The following ZBTB1 variants were observed in gnomAD, a reference collection of about 807,000 sequenced individuals.
ZBTB1 encodes zinc finger and BTB domain-containing protein 1.
ZBTB1 carries 13 observed loss-of-function variants against 51.6 expected under a neutral mutation model. The ratio of observed to expected loss-of-function variants is 0.25; its 90% CI spans 0.16 to 0.40. The LOEUF (loss-of-function observed/expected upper bound fraction) is 0.40. Ranked by LOEUF, ZBTB1 falls within the 10% of genes least tolerant of loss-of-function variation. The pLI is 1.00. For synonymous variants in ZBTB1, 240 were observed against 282.2 expected (o/e 0.85, Z 1.50); for missense variants, 567 against 856.5 (o/e 0.66, Z 4.22).
chr14:64,516,708 ACTG>A (rs2079790157), intron 1 of ZBTB1: 1 of 152,260 alleles, frequency 6.6e-6, no homozygotes. Flanking sequence ...TACTTGTGCT[ACTG>A]CTGATGATCA....
At chr14:64,504,687 T>G (rs1180319595), upstream of ZBTB1, 4 of 361,542 alleles carry the variant, frequency 1.1e-5, no homozygotes, top group Non-Finnish European at 2.0e-5. Context: ...AGCGAACTGG[T>G]GGGCAGACCC....
exon 3 of ZBTB1, chr14:64,532,815 T>C (rs900230066): frequency 3.3e-5 from 5 of 152,054 alleles, no homozygotes; most frequent in Admixed American, 6.6e-5. Context: ...AAGTTAAATA[T>C]TTGGTGAGAT....
upstream of ZBTB1, chr14:64,504,649 G>C (rs879307117): frequency 1.8e-5 from 6 of 336,772 alleles, no homozygotes; most frequent in Non-Finnish European, 3.2e-5. Context: ...GGGCGGGCGA[G>C]AGGGAGGGGA....
At chr14:64,514,588 T>A (rs932230527) in intron 1 of ZBTB1, among the ~76,000 whole-genome samples, 1 of 152,254 alleles carries the variant, frequency 6.6e-6, no homozygotes, top group African/African-American at 2.4e-5. Flanking sequence ...GAAATCTTAC[T>A]ATGTCAGTGA....
downstream of ZBTB1, among the ~76,000 whole-genome samples, chr14:64,525,282 C>A (rs1460885820): frequency 6.6e-6 from 1 of 151,948 alleles, no homozygotes; most frequent in Non-Finnish European, 1.5e-5. Context: ...ATTCAAATAA[C>A]GGGAAGTAGG....
intron 1 of ZBTB1, among the ~76,000 whole-genome samples, chr14:64,519,094 T>C (rs2079830263): frequency 6.7e-6 from 1 of 150,318 alleles, no homozygotes; most frequent in Admixed American, 6.6e-5. Context: ...AAAAGAGGTG[T>C]GTGATCTGAG....
chr14:64,511,333 GGGAGAGAGGAATATTCCAGAAGCCACTGT>G (rs1269430043), intron 1 of ZBTB1: 3 of 152,160 alleles, frequency 2.0e-5, no homozygotes, highest in African/African-American at 7.2e-5. Context: ...CTTCTGGAGA[GGGAGAGAGGAATATTCCAGAAGCCACTGT>G]GTTCCTTCTG....
rs2079611687 is a variant in ZBTB1 at position 64,504,770 on chromosome 14, G to A, written c.-195G>A. ...GGCTGTGCGGCAGCGGAAGTCCTTT[G>A]TTGCAGCACAGTCCCTGGCAGAGCC... On this transcript the variant is annotated 5_prime_UTR_variant, in exon 1 of 2. Coordinates refer to ENST00000683701, the MANE Select transcript of ZBTB1 (RefSeq NM_001123329.2). The A allele has an allele frequency of 5.3e-6, 2 of 378,726 alleles. No individual in the cohort carries two copies. The highest frequency in any genetic ancestry group is 9.4e-6 in the Non-Finnish European group (2 of 213,340). 23.5% of individuals were successfully genotyped at this position (378,726 alleles called of 1,614,324 possible).
intron 1 of ZBTB1, among the ~76,000 whole-genome samples, chr14:64,513,182 A>G (rs540346099): frequency 6.6e-6 from 1 of 152,290 alleles, no homozygotes; most frequent in South Asian, 2.1e-4. Context: ...GTATATACAT[A>G]CATGTATATA....
chr14:64,509,971 C>T (rs2079707634), intron 1 of ZBTB1, among the ~76,000 whole-genome samples: 1 of 144,032 alleles, frequency 6.9e-6, no homozygotes, highest in Admixed American at 6.9e-5. Context: ...AGCGAGACTC[C>T]GTCTCAATTA....
intron 1 of ZBTB1, chr14:64,518,637 G>C (rs1193162202): frequency 2.0e-5 from 3 of 152,006 alleles, no homozygotes; most frequent in Non-Finnish European, 2.9e-5. Context: ...TCTCTAAACA[G>C]CTTGTTACAT....
At chr14:64,504,313 G>A (rs560971057), upstream of ZBTB1, among the ~76,000 whole-genome samples, 4 of 152,238 alleles carry the variant, frequency 2.6e-5, no homozygotes, top group East Asian at 1.9e-4. Flanking sequence ...GGGCGAGGTT[G>A]CCGGAGCACT....
At chr14:64,525,115 C>G (rs1415285713), downstream of ZBTB1, among the ~76,000 whole-genome samples, 1 of 152,046 alleles carries the variant, frequency 6.6e-6, no homozygotes, top group African/African-American at 2.4e-5. Context: ...ATTTTGTATA[C>G]AATTTACATA....
At chr14:64,510,119 A>G (rs1001340559) in intron 1 of ZBTB1, among the ~76,000 whole-genome samples, 10 of 152,248 alleles carry the variant, frequency 6.6e-5, no homozygotes, top group African/African-American at 2.4e-4. Context: ...TGAAAAAGCC[A>G]AAGTCCTCGC....
rs536332267 is a variant in ZBTB1 at position 64,520,237 on chromosome 14, T to C, written c.-18-1250T>C. Reference sequence around the variant, plus strand: ...CCAGGATGGTTTCGATCTCCTGACCTCGTGATCCGCCCGCCTCGGCCTCCC... The same window carrying C: ...CCAGGATGGTTTCGATCTCCTGACCCCGTGATCCGCCCGCCTCGGCCTCCC... On this transcript the variant is annotated intron_variant, in intron 1 of 1. Coordinates refer to ENST00000683701, the MANE Select transcript of ZBTB1 (RefSeq NM_001123329.2). Among the ~76,000 whole-genome samples the C allele has an allele frequency of 3.1e-4, 47 of 152,232 alleles. No individual in the cohort carries two copies. The South Asian group carries it at 9.8e-3, about 32-fold the overall frequency.
intron 1 of ZBTB1, among the ~76,000 whole-genome samples, chr14:64,509,151 T>C (rs1201587044): frequency 6.6e-6 from 1 of 152,082 alleles, no homozygotes; most frequent in African/African-American, 2.4e-5. Context: ...AGGCGGATTG[T>C]TTGATCTCAG....
chr14:64,520,410 G>A (rs985194379), intron 1 of ZBTB1, among the ~76,000 whole-genome samples: 1 of 152,068 alleles, frequency 6.6e-6, no homozygotes. Flanking sequence ...AAAATCCTGG[G>A]CTCAAGCCAT....
chr14:64,523,931 ATTAAACT>A lies in ZBTB1; in HGVS notation c.*289_*295del. On this transcript the variant is annotated 3_prime_UTR_variant, in exon 2 of 2. Coordinates refer to ENST00000683701, the MANE Select transcript of ZBTB1 (RefSeq NM_001123329.2). This position sits in a 1 kb window ranked among gnomAD's most constrained non-coding sequence, Gnocchi z 4.5. Reference sequence around the variant, plus strand: ...AGTGGTTGTTACCCATTCAATGACTATTAAACTTTAGTTTTTCATCAATAAGGTGATG... The same window carrying A: ...AGTGGTTGTTACCCATTCAATGACTATTAGTTTTTCATCAATAAGGTGATG... 1 of 1,073,710 alleles carries A rather than the reference ATTAAACT, an allele frequency of 9.3e-7. No individual in the cohort carries two copies. The highest frequency in any genetic ancestry group is 1.1e-6 in the Non-Finnish European group (1 of 879,736). The allele number at this position is 1,073,710 out of a possible 1,614,324, so 66.5% of individuals were successfully genotyped here.
At chr14:64,509,470 G>T (rs901545988) in intron 1 of ZBTB1, among the ~76,000 whole-genome samples, 5 of 152,200 alleles carry the variant, frequency 3.3e-5, no homozygotes, top group African/African-American at 4.8e-5. Context: ...AAGGCTTTTG[G>T]TGTGTTAGGT....
Sources: gnomAD v4.1 joint callset for allele counts (sites outside exome capture counted in the v4.1 genomes callset) on GRCh38, gnomAD v4.1.1 for gene constraint, Gnocchi (gnomAD v3.1) non-coding constraint, MANE v1.5 for transcripts, NCBI Gene and HGNC (gene_info 2026-07-23, HGNC 2026-07-21) for gene names.